Variants in CAP2 observed in about 807,000 individuals in gnomAD.
CAP2 encodes adenylyl cyclase-associated protein 2.
A neutral mutation model predicts 57.7 loss-of-function variants in CAP2; 24 were observed. The ratio of observed to expected loss-of-function variants is 0.42; its 90% CI spans 0.30 to 0.58. The LOEUF is 0.58. CAP2 is among the 20% of genes least tolerant of loss of function. CAP2 has a pLI of 0.22. For missense variants in CAP2, 501 were observed against 590.3 expected (o/e 0.85, Z 1.57); for synonymous variants, 194 against 207.2 (o/e 0.94, Z 0.55).
At chr6:17,470,462 A>G (rs1320994) in intron 4 of CAP2, among the ~76,000 whole-genome samples, 93,448 of 152,062 alleles carry the variant, frequency 0.61, 29,653 homozygotes, top group East Asian at 0.82. Flanking sequence ...GCTTAACAGA[A>G]GAGATTTTTT....
At position 17,542,921 on chromosome 6, in the gene CAP2, A is replaced by G. The variant is rs1229433529; in HGVS notation, c.1087A>G (p.Thr363Ala). The G allele has an allele frequency of 3.1e-6, 5 of 1,613,844 alleles. No homozygotes were observed. Among genetic ancestry groups the G allele is most frequent in the Non-Finnish European group, 4.2e-6 (5 of 1,179,698 alleles). ...TTACATTTTCAAATGCGAAAAATCA[A>G]CTATTCAGATAAAAGGGAAAGTAAA... ...VAYIFKCEKSTIQIKGKVNSI... is the reference protein window; with the variant it reads ...VAYIFKCEKSAIQIKGKVNSI... The change falls in exon 10 of 13, where the codon ACT becomes GCT. Residue 363 changes from threonine (T) to alanine (A), a missense_variant. Physicochemically the swap from Thr to Ala is moderately conservative, Grantham distance 58. Transcript: ENST00000229922.
At chr6:17,554,374 C>G (rs1348963435) in intron 12 of CAP2, among the ~76,000 whole-genome samples, 1 of 152,242 alleles carries the variant, frequency 6.6e-6, no homozygotes, top group East Asian at 1.9e-4. Context: ...CCCTGCAACT[C>G]TGCCAAAAGA....
At chr6:17,400,799 A>G (rs1405968491) in intron 1 of CAP2, among the ~76,000 whole-genome samples, 1 of 151,192 alleles carries the variant, frequency 6.6e-6, no homozygotes, top group Non-Finnish European at 1.5e-5. Flanking sequence ...CAGGAGGCAG[A>G]GCTTGCAGTG....
intron 4 of CAP2, among the ~76,000 whole-genome samples, chr6:17,483,716 A>T (rs1308347594): frequency 1.3e-5 from 2 of 152,144 alleles, no homozygotes; most frequent in East Asian, 3.9e-4. Flanking sequence ...TGTGCCACAA[A>T]GCCTTCCAGA....
At chr6:17,417,290 T>G (rs1165377924) in intron 1 of CAP2, among the ~76,000 whole-genome samples, 1 of 151,758 alleles carries the variant, frequency 6.6e-6, no homozygotes, top group African/African-American at 2.4e-5. Flanking sequence ...TTTTTTTTTT[T>G]TCTGAGACAG....
At chr6:17,547,885 TGA>T (rs1164461491) in intron 11 of CAP2, among the ~76,000 whole-genome samples, 1 of 149,644 alleles carries the variant, frequency 6.7e-6, no homozygotes, top group African/African-American at 2.4e-5. Flanking sequence ...AGATAATGAT[TGA>T]GAGAGATAAA....
intron 1 of CAP2, among the ~76,000 whole-genome samples, chr6:17,409,646 C>T (rs1284901190): frequency 6.6e-6 from 1 of 152,072 alleles, no homozygotes; most frequent in Non-Finnish European, 1.5e-5. Context: ...GACATATTTC[C>T]AGAAGGCCCC....
chr6:17,512,056 A>T (rs1209689010), intron 6 of CAP2, among the ~76,000 whole-genome samples: 1 of 152,104 alleles, frequency 6.6e-6, no homozygotes, highest in Non-Finnish European at 1.5e-5. Context: ...GAATTTGCCC[A>T]TATAGACTTG....
At chr6:17,522,738 T>G (rs1162791664) in intron 7 of CAP2, among the ~76,000 whole-genome samples, 1 of 152,222 alleles carries the variant, frequency 6.6e-6, no homozygotes, top group East Asian at 1.9e-4. Flanking sequence ...TTATGCATTA[T>G]GCTAAGAAGG....
intron 7 of CAP2, among the ~76,000 whole-genome samples, chr6:17,538,705 G>C (rs1300706059): frequency 6.6e-6 from 1 of 152,152 alleles, no homozygotes; most frequent in Non-Finnish European, 1.5e-5. Context: ...AAGCATCCCG[G>C]TCACATATGC....
intron 3 of CAP2, among the ~76,000 whole-genome samples, chr6:17,444,554 T>C (rs1464607063): frequency 1.3e-5 from 2 of 148,404 alleles, no homozygotes; most frequent in Admixed American, 6.8e-5. Context: ...GGCAGGAGAA[T>C]CGCTTGATTC....
At chr6:17,498,564 T>C (rs1761723943) in intron 4 of CAP2, among the ~76,000 whole-genome samples, 2 of 152,118 alleles carry the variant, frequency 1.3e-5, no homozygotes, top group African/African-American at 4.8e-5. Context: ...TGTCCCAGGC[T>C]CCAGATCTCT....
chr6:17,406,398 C>T (rs372525788), intron 1 of CAP2, among the ~76,000 whole-genome samples: 237 of 102,328 alleles, frequency 2.3e-3, no homozygotes, highest in African/African-American at 6.0e-3. Context: ...GCCCAGATTT[C>T]TTTTTTTTTT....
At chr6:17,452,352 G>A (rs780667543) in intron 3 of CAP2, among the ~76,000 whole-genome samples, 1 of 152,186 alleles carries the variant, frequency 6.6e-6, no homozygotes, top group Admixed American at 6.5e-5. Flanking sequence ...TTTCGCACAA[G>A]CAGACGTATA....
At chr6:17,467,102 A>G (rs1279549974) in intron 4 of CAP2, among the ~76,000 whole-genome samples, 1 of 152,154 alleles carries the variant, frequency 6.6e-6, no homozygotes, top group East Asian at 1.9e-4. Flanking sequence ...AATGAATGCA[A>G]GTGACCACTC....
At chr6:17,395,181 T>G (rs986874226) in intron 1 of CAP2, among the ~76,000 whole-genome samples, 1 of 152,182 alleles carries the variant, frequency 6.6e-6, no homozygotes, top group Non-Finnish European at 1.5e-5. Context: ...AGAAGTAATT[T>G]AATTTGTTGA....
rs528871463 is a variant in CAP2, at chr6:17,510,185, A to G, written c.530+2459A>G. On this transcript the variant is annotated intron_variant, in intron 6 of 12. Coordinates refer to ENST00000229922, the MANE Select transcript of CAP2 (RefSeq NM_006366.3). ...TTGGGGAGTAATTGCTAATGGGTGT[A>G]GGGTTTCTTTTGGGGGGTGATGAAT... Among the ~76,000 whole-genome samples the G allele has an allele frequency of 1.5e-3, 221 of 151,968 alleles. 1 individual carries two copies. In the South Asian group the frequency reaches 0.023, roughly 15 times the overall value.
intron 3 of CAP2, among the ~76,000 whole-genome samples, chr6:17,438,940 G>A (rs961205479): frequency 6.7e-5 from 10 of 150,106 alleles, no homozygotes; most frequent in Non-Finnish European, 1.0e-4. Context: ...GTGAAACCCC[G>A]TCTCTACTAA....
At chr6:17,439,901 T>C (rs1250268304) in intron 3 of CAP2, among the ~76,000 whole-genome samples, 1 of 151,458 alleles carries the variant, frequency 6.6e-6, no homozygotes, top group African/African-American at 2.4e-5. Flanking sequence ...CCAGTACCAG[T>C]CTGTGTGTCC....
Sources: allele counts gnomAD v4.1 joint callset (sites outside exome capture counted in the v4.1 genomes callset), GRCh38; gene constraint gnomAD v4.1.1; transcripts MANE v1.5; gene names NCBI Gene and HGNC (gene_info 2026-07-23, HGNC 2026-07-21).